Variants in AMPD1 observed in about 807,000 individuals in gnomAD.
AMPD1 encodes AMP deaminase 1.
A neutral mutation model predicts 82.9 loss-of-function variants in AMPD1; 74 were observed. That is an observed-to-expected ratio of 0.89 (90% CI 0.74 to 1.08). The LOEUF is 1.08. Ranked by LOEUF, AMPD1 falls within the 50% of genes least tolerant of loss-of-function variation. The probability of loss-of-function intolerance (pLI) is 0.00; values close to 1 mark genes in which losing one functional copy is unlikely to be tolerated. For missense variants in AMPD1, 881 were observed against 924.5 expected, an observed-to-expected ratio of 0.95 and a Z score of 0.61; for synonymous variants, 333 against 320.5, an observed-to-expected ratio of 1.04 and a Z score of -0.42.
At chr1:114,680,527 C>A in intron 5 of AMPD1, 49 bp from the exon 6 acceptor site, 2 of 1,543,846 alleles carry the variant, frequency 1.3e-6, no homozygotes, top group Non-Finnish European at 1.8e-6. Flanking sequence ...GGATGAACGA[C>A]CACATAAAAA....
chr1:114,682,760 A>G (rs1658198201), intron 5 of AMPD1, among the ~76,000 whole-genome samples: 1 of 152,136 alleles, frequency 6.6e-6, no homozygotes, highest in Admixed American at 6.5e-5. Flanking sequence ...TTGTATTTTT[A>G]GTAGAGACGG....
rs573292465 is a variant in AMPD1, at chr1:114,689,085, T to C, written c.35-344A>G. On this transcript the variant is annotated intron_variant, in intron 2 of 15. Transcript: ENST00000520113. ...AAGTTTGATTTCATAGTTTGAACCA[T>C]GCAGCACAGTTCTTCCCATTAGGTT... 1.6e-3 allele frequency among the ~76,000 whole-genome samples: 251 copies of C among 152,324 alleles called. 1 individual carries two copies. The highest frequency in any genetic ancestry group is 5.7e-3 in the African/African-American group (236 of 41,574).
chr1:114,677,391 A>G lies in AMPD1; in HGVS notation c.1348T>C (p.Cys450Arg). The G allele has an allele frequency of 1.9e-6, 3 of 1,610,708 alleles. No individual in the cohort carries two copies. The highest frequency in any genetic ancestry group is 1.7e-6 in the Non-Finnish European group (2 of 1,179,380). ...SSWFVCNRIH[C>R]PNMTWMIQVP... ...TGGATCATCCATGTCATGTTGGGGCAGTGGATGCGATTGCAGACGAACCAG... is the reference window on the plus strand; with the variant it reads ...TGGATCATCCATGTCATGTTGGGGCGGTGGATGCGATTGCAGACGAACCAG... The change falls in exon 10 of 16, where the codon TGC becomes CGC. Residue 450 changes from cysteine to arginine, a missense_variant. By Grantham distance (180) the Cys-to-Arg change is radical. This residue lies in a region of AMPD1 where 783 missense variants were observed against 786.4 expected (regional missense o/e 1.00). Coordinates refer to ENST00000520113, the MANE Select transcript of AMPD1 (RefSeq NM_000036.3).
Position 114,673,772 on chromosome 1 carries a change from A to T in AMPD1, c.1975-23T>A, listed in dbSNP as rs148592763. 9.2e-3 allele frequency: 14,717 copies of T among 1,591,942 alleles called. 131 individuals are homozygous for T. The highest frequency in any genetic ancestry group is 0.027 in the Middle Eastern group (162 of 6,022). ...CTCCTGCAGTTATATTAAATGAGGAAAAAAGAGGAGTGAATTAATAAATAA... is the reference window on the plus strand; with the variant it reads ...CTCCTGCAGTTATATTAAATGAGGATAAAAGAGGAGTGAATTAATAAATAA... On this transcript the variant is annotated intron_variant, in intron 14 of 15. Transcript: ENST00000520113.
At chr1:114,687,000 C>T in intron 3 of AMPD1, 90 bp from the exon 4 acceptor site, 1 of 1,405,518 alleles carries the variant, frequency 7.1e-7, no homozygotes, top group South Asian at 1.2e-5. Flanking sequence ...CAATTTTATT[C>T]TGAGGACAAA....
chr1:114,689,199 GAT>G (rs1221337718), intron 2 of AMPD1, among the ~76,000 whole-genome samples: 2 of 152,202 alleles, frequency 1.3e-5, no homozygotes, highest in Admixed American at 1.3e-4. Context: ...TGATTCCGGT[GAT>G]CTAAGTAGTT....
intron 3 of AMPD1, 76 bp from the exon 4 acceptor site, chr1:114,686,986 T>C (rs761454874): frequency 3.4e-6 from 5 of 1,462,046 alleles, no homozygotes; most frequent in Non-Finnish European, 4.8e-6. Context: ...GATGTTTCTC[T>C]ATACAATTTT....
chr1:114,688,752 T>C lies in AMPD1; in HGVS notation c.35-11A>G. 1 of 1,614,112 alleles carries C rather than the reference T, an allele frequency of 6.2e-7. No individual in the cohort carries two copies. The highest frequency in any genetic ancestry group is 8.5e-7 in the Non-Finnish European group (1 of 1,179,992). On this transcript the variant is annotated splice_polypyrimidine_tract_variant and intron_variant, in intron 2 of 15. Transcript: ENST00000520113. ...TTGCATCATCAATTTCTAAAAGAGG[T>C]TTTCACATATTAGTGTTCAAGCCCC... is the stretch of plus-strand genomic sequence containing the variant.
chr1:114,683,964 G>T (rs1394616787), intron 5 of AMPD1, among the ~76,000 whole-genome samples: 1 of 152,144 alleles, frequency 6.6e-6, no homozygotes, highest in African/African-American at 2.4e-5. Context: ...AATAATCTGG[G>T]CAAGGAGAAG....
At chr1:114,676,129 C>T in intron 10 of AMPD1, 126 bp from the exon 11 acceptor site, 1 of 1,113,826 alleles carries the variant, frequency 9.0e-7, no homozygotes, top group Non-Finnish European at 1.3e-6. Context: ...ATCCTAGGTC[C>T]ATGCTCCTCA....
intron 15 of AMPD1, 144 bp downstream of exon 15, chr1:114,673,495 G>A: frequency 1.1e-6 from 1 of 870,388 alleles, no homozygotes; most frequent in Non-Finnish European, 1.9e-6. Context: ...CAAAGAGATA[G>A]AATAATCCCT....
At chr1:114,680,543 A>C in intron 5 of AMPD1, 65 bp from the exon 6 acceptor site, 1 of 1,352,124 alleles carries the variant, frequency 7.4e-7, no homozygotes, top group Non-Finnish European at 1.1e-6. Flanking sequence ...AAAAATAACC[A>C]AAATGTGAAA....
rs77164715 is a variant in AMPD1 at position 114,676,160 on chromosome 1, A to G, written c.1389-157T>C. 74,547 of 889,158 alleles carry G rather than the reference A, an allele frequency of 0.084. 3,472 individuals are homozygous for G. Among genetic ancestry groups the G allele is most frequent in the Middle Eastern group, 0.12 (345 of 2,922 alleles). 55.1% of individuals were successfully genotyped at this position (889,158 alleles called of 1,614,324 possible). ...CCTCATACATTCTTTTTGGTCCCCT[A>G]TAGAGAGGGATTCAGTTTGGGCAGC... is the stretch of plus-strand genomic sequence containing the variant. On this transcript the variant is annotated intron_variant, in intron 10 of 15. Transcript: ENST00000520113.
Position 114,679,623 on chromosome 1 carries a change from C to A in AMPD1, c.853G>T (p.Glu285Ter), listed in dbSNP as rs779360535. The A allele has an allele frequency of 6.2e-7, 1 of 1,611,852 alleles. No individual in the cohort carries two copies. Among genetic ancestry groups the A allele is most frequent in the Non-Finnish European group, 8.5e-7 (1 of 1,179,332 alleles). Residue 285 changes from glutamate (E) to a stop codon, truncating the protein, a stop_gained, in exon 7 of 16, where the codon GAG becomes TAG. Transcript: ENST00000520113. LOFTEE classifies it high-confidence loss of function. The part of the protein sequence containing the change: ...QMLNEMDELK[E>*]LKNNPHRDFY... Reference sequence around the variant, plus strand: ...TCTCGGTGGGGGTTGTTTTTCAGCTCCTTTAACTCGTCCATCTCGTTAAGC... The same window carrying A: ...TCTCGGTGGGGGTTGTTTTTCAGCTACTTTAACTCGTCCATCTCGTTAAGC...
intron 2 of AMPD1, among the ~76,000 whole-genome samples, chr1:114,689,088 A>G (rs1658431871): frequency 6.6e-6 from 1 of 152,210 alleles, no homozygotes; most frequent in African/African-American, 2.4e-5. Context: ...TGAACCATGC[A>G]GCACAGTTCT....
rs755161895 is a variant in AMPD1, at chr1:114,680,498, A to G, written c.548-20T>C. 1.2e-6 allele frequency: 2 copies of G among 1,603,006 alleles called. No homozygotes were observed. Among genetic ancestry groups the G allele is most frequent in the South Asian group, 2.2e-5 (2 of 90,862 alleles). ...TAAAGACTTTTTCAATCAAACACAG[A>G]GTAATATATTAGCACATAGGATGAA... On this transcript the variant is annotated intron_variant, in intron 5 of 15. Transcript: ENST00000520113.
chr1:114,684,759 A>G (rs1256473029), intron 4 of AMPD1, among the ~76,000 whole-genome samples: 2 of 152,208 alleles, frequency 1.3e-5, no homozygotes, highest in Non-Finnish European at 2.9e-5. Context: ...CAACTGAAAG[A>G]CCATGTGACT....
chr1:114,675,841 G>A (rs752670934), intron 11 of AMPD1, 36 bp downstream of exon 11: 1 of 1,614,064 alleles, frequency 6.2e-7, no homozygotes, highest in South Asian at 1.1e-5. Context: ...GCTGGTTCAT[G>A]AGCAGCAGTA....
intron 4 of AMPD1, among the ~76,000 whole-genome samples, chr1:114,685,172 C>A (rs1294297444): frequency 2.0e-5 from 3 of 152,120 alleles, no homozygotes; most frequent in Non-Finnish European, 2.9e-5. Flanking sequence ...TTTTAAAGAC[C>A]TGCTGTCCTT....
Sources: gnomAD v4.1 joint callset for allele counts (sites outside exome capture counted in the v4.1 genomes callset) on GRCh38, gnomAD v4.1.1 for gene constraint, gnomAD v4.1.1 regional missense constraint, MANE v1.5 for transcripts, NCBI Gene and HGNC (gene_info 2026-07-23, HGNC 2026-07-21) for gene names.